Variants in TRAF6 observed in about 807,000 individuals in gnomAD.
TRAF6 encodes the protein TNF receptor associated factor 6.
TRAF6 carries 10 observed loss-of-function variants against 48.4 expected under a neutral mutation model. The ratio of observed to expected loss-of-function variants is 0.21; its 90% CI spans 0.13 to 0.35. TRAF6 has a LOEUF of 0.35. TRAF6 is among the 10% of genes least tolerant of loss of function. The pLI is 1.00. For synonymous variants in TRAF6, 186 were observed against 219.6 expected (o/e 0.85, Z 1.35); for missense variants, 397 against 661.0 (o/e 0.60, Z 4.38).
chr11:36,490,240 C>T lies in TRAF6; in HGVS notation c.1167G>A (p.Leu389=), dbSNP rs1859544879. ...GFYTGKPGYK[L]CMRLHLQLPT... Reference sequence around the variant, plus strand: ...GTAACTGAAGGTGCAAGCGCATGCACAGTTTGTACCCGGGTTTGCCAGTGT... The same window carrying T: ...GTAACTGAAGGTGCAAGCGCATGCATAGTTTGTACCCGGGTTTGCCAGTGT... The change falls in exon 7 of 7, where the codon CTG becomes CTA. Residue 389 remains leucine (L), a synonymous_variant. Coordinates refer to ENST00000526995, the MANE Select transcript of TRAF6 (RefSeq NM_004620.4). This position sits in a 1 kb window ranked among gnomAD's most constrained non-coding sequence, Gnocchi z 6.4. The T allele has an allele frequency of 1.9e-6, 3 of 1,614,088 alleles. No individual in the cohort carries two copies. The highest frequency in any genetic ancestry group is 3.3e-4 in the Middle Eastern group (2 of 6,084).
intron 1 of TRAF6, among the ~76,000 whole-genome samples, chr11:36,508,741 TG>T (rs1859845721): frequency 6.6e-6 from 1 of 152,228 alleles, no homozygotes; most frequent in Non-Finnish European, 1.5e-5. Flanking sequence ...TGTACTCCAA[TG>T]GCCAAGAGAT....
chr11:36,501,473 A>G lies in TRAF6; in HGVS notation c.43T>C (p.Ser15Pro). The G allele has an allele frequency of 6.2e-7, 1 of 1,613,362 alleles. No homozygotes were observed. Among genetic ancestry groups the G allele is most frequent in the Non-Finnish European group, 8.5e-7 (1 of 1,179,480 alleles). ...ATGGCCACACAGCAGTCACTTTCAG[A>G]CTGGCTGGATCCACAGCTGTTTTCA... Reference protein sequence around the residue: ...NCENSCGSSQSESDCCVAMAS... With the variant: ...NCENSCGSSQPESDCCVAMAS... The change falls in exon 2 of 7, where the codon TCT becomes CCT. Residue 15 changes from serine to proline, a missense_variant. Transcript: ENST00000526995.
In TRAF6 at chr11:36,497,225, G is replaced by A; in HGVS notation, c.489C>T (p.Pro163=). The A allele has an allele frequency of 1.2e-6, 2 of 1,613,626 alleles. No homozygotes were observed. The highest frequency in any genetic ancestry group is 1.1e-5 in the South Asian group (1 of 91,026). ...AHCEFALMDC[P]QCQRPFQKFH... ...ATTTTTGGAAGGGACGCTGGCATTG[G>A]GGACAATCCATAAGAGCAAACTCAC... Residue 163 remains proline (P), a synonymous_variant, in exon 4 of 7, where the codon CCC becomes CCT. Coordinates refer to ENST00000526995, the MANE Select transcript of TRAF6 (RefSeq NM_004620.4).
intron 2 of TRAF6, among the ~76,000 whole-genome samples, chr11:36,499,199 C>A (rs183777470): frequency 2.3e-3 from 343 of 152,158 alleles, no homozygotes; most frequent in Non-Finnish European, 3.6e-3. Flanking sequence ...GTCTAGGGTC[C>A]AATGTTACAG....
rs1859552972 is a variant in TRAF6 at position 36,490,781 on chromosome 11, C to A, written c.757-131G>T. ...CTCAATTCTCTACAATTTTCCTTTG[C>A]CTTCAACAGATTCTTGATCCAATGA... On this transcript the variant is annotated intron_variant, in intron 6 of 6. Coordinates refer to ENST00000526995, the MANE Select transcript of TRAF6 (RefSeq NM_004620.4). The surrounding 1 kb of genome is among the most constrained non-coding windows in gnomAD (Gnocchi z 6.4). The A allele has an allele frequency of 1.0e-5, 8 of 784,618 alleles. No individual in the cohort carries two copies. Among genetic ancestry groups the A allele is most frequent in the Non-Finnish European group, 1.6e-5 (8 of 508,400 alleles). The allele number at this position is 784,618 out of a possible 1,614,324, so 48.6% of individuals were successfully genotyped here. A position where few individuals can be genotyped will look rare whatever the true frequency, so the allele number is the denominator to read the frequency against.
In TRAF6 at chr11:36,494,991, T is replaced by C. The variant is rs1859610548; in HGVS notation, c.663A>G (p.Ile221Met). Residue 221 changes from isoleucine to methionine, a missense_variant, in exon 5 of 7, where the codon ATA becomes ATG. By Grantham distance (10) the Ile-to-Met change is conservative. Transcript: ENST00000526995. ...ANVICEYCNTILIREQMPNHY... is the reference protein window; with the variant it reads ...ANVICEYCNTMLIREQMPNHY... ...TGAATAATACCTGTTCTCTGATGAGTATAGTATTGCAGTATTCACAGATGA... is the reference window on the plus strand; with the variant it reads ...TGAATAATACCTGTTCTCTGATGAGCATAGTATTGCAGTATTCACAGATGA... 1 of 1,601,494 alleles carries C rather than the reference T, an allele frequency of 6.2e-7. No homozygotes were observed. Among genetic ancestry groups the C allele is most frequent in the Non-Finnish European group, 8.5e-7 (1 of 1,169,658 alleles).
Position 36,501,304 on chromosome 11 carries a change from G to C in TRAF6, c.212C>G (p.Pro71Arg). ...DPPLESKYEC[P>R]ICLMALREAV... ...TTCTCGTAATGCCATCAAGCAGATG[G>C]GGCATTCATACTTGCTTTCCAGGGG... Residue 71 changes from proline (P) to arginine (R), a missense_variant, in exon 2 of 7, where the codon CCC becomes CGC. This residue lies in a region of TRAF6 where 73 missense variants were observed against 87.3 expected (regional missense o/e 0.84). Coordinates refer to ENST00000526995, the MANE Select transcript of TRAF6 (RefSeq NM_004620.4). The C allele has an allele frequency of 1.9e-6, 3 of 1,613,928 alleles. No homozygotes were observed. The highest frequency in any genetic ancestry group is 2.5e-6 in the Non-Finnish European group (3 of 1,180,022).
intron 1 of TRAF6, among the ~76,000 whole-genome samples, chr11:36,509,142 C>T (rs1486381923): frequency 1.3e-5 from 2 of 152,208 alleles, no homozygotes; most frequent in Non-Finnish European, 2.9e-5. Flanking sequence ...AAGGCCAACA[C>T]AGAATTTCTT....
At chr11:36,503,640 G>T (rs1859747770) in intron 1 of TRAF6, among the ~76,000 whole-genome samples, 1 of 152,120 alleles carries the variant, frequency 6.6e-6, no homozygotes, top group South Asian at 2.1e-4. Flanking sequence ...CCATGGCCTT[G>T]CTATATCTGA....
At chr11:36,508,007 C>G (rs1441601030) in intron 1 of TRAF6, among the ~76,000 whole-genome samples, 5 of 151,546 alleles carry the variant, frequency 3.3e-5, no homozygotes, top group African/African-American at 1.2e-4. Flanking sequence ...AGGTGTGTGC[C>G]ACCAAGCCTG....
chr11:36,498,405 A>G (rs1186052938), intron 3 of TRAF6, 85 bp downstream of exon 3: 6 of 1,282,914 alleles, frequency 4.7e-6, no homozygotes, highest in Non-Finnish European at 5.4e-6. Context: ...GGTACTGGCA[A>G]TACACAGATG....
intron 4 of TRAF6, 149 bp downstream of exon 4, chr11:36,496,957 TTC>T: frequency 2.3e-6 from 2 of 868,764 alleles, no homozygotes; most frequent in Non-Finnish European, 3.4e-6. Flanking sequence ...TTATTGAACC[TTC>T]TTTTTCTTAA....
chr11:36,496,071 A>G (rs1010790895), intron 4 of TRAF6, among the ~76,000 whole-genome samples: 1 of 152,232 alleles, frequency 6.6e-6, no homozygotes, highest in African/African-American at 2.4e-5. Context: ...CTATAGTTTA[A>G]GGAAGTATCT....
rs5030477 is a variant in TRAF6 at position 36,489,740 on chromosome 11, A to T, written c.*98T>A. The T allele has an allele frequency of 1.6e-6, 2 of 1,258,028 alleles. No homozygotes were observed. The highest frequency in any genetic ancestry group is 2.9e-5 in the South Asian group (2 of 69,484). The allele number at this position is 1,258,028 out of a possible 1,614,324, so 77.9% of individuals were successfully genotyped here. ...AACAACACTCACTAGTAGATATTAC[A>T]TATTTCCCGTGGCTTGTTTGTTTGC... On this transcript the variant is annotated 3_prime_UTR_variant, in exon 7 of 7. Coordinates refer to ENST00000526995, the MANE Select transcript of TRAF6 (RefSeq NM_004620.4).
rs1424135245 is a variant in TRAF6 at position 36,485,382 on chromosome 11, C to T, written c.*4456G>A. 6.6e-6 allele frequency among the ~76,000 whole-genome samples: 1 copy of T among 152,154 alleles called. No homozygotes were observed. Among genetic ancestry groups the T allele is most frequent in the African/African-American group, 2.4e-5 (1 of 41,398 alleles). ...AGGGGATTCAGCAGCAACCAGAACA[C>T]ATCCCCATTCCACACAGTTTACCTT... On this transcript the variant is annotated 3_prime_UTR_variant, in exon 7 of 7. Transcript: ENST00000526995.
chr11:36,508,952 G>A (rs971198056), intron 1 of TRAF6, among the ~76,000 whole-genome samples: 1 of 152,174 alleles, frequency 6.6e-6, no homozygotes, highest in African/African-American at 2.4e-5. Flanking sequence ...AAATATTGTG[G>A]TGCATGCAGG....
At chr11:36,507,848 AC>A (rs1859827529) in intron 1 of TRAF6, among the ~76,000 whole-genome samples, 1 of 147,450 alleles carries the variant, frequency 6.8e-6, no homozygotes, top group African/African-American at 2.5e-5. Context: ...GTATATATAT[AC>A]ATATATATAC....
rs796795129 is a variant in TRAF6, at chr11:36,501,597, CATAT to C, written c.-22-64_-22-61del. The C allele has an allele frequency of 8.7e-5, 106 of 1,214,838 alleles. 1 individual carries two copies. The African/African-American group carries it at 1.5e-3, about 17-fold the overall frequency. The allele number at this position is 1,214,838 out of a possible 1,614,324, so 75.3% of individuals were successfully genotyped here. On this transcript the variant is annotated intron_variant, in intron 1 of 6. Transcript: ENST00000526995. The stretch of plus-strand genomic sequence containing the variant: ...GTAACACACACACTCACACCCCACA[CATAT>C]ATATCATAGCTTATCTATACAAGTC...
chr11:36,494,222 A>C (rs1859599178), intron 5 of TRAF6, among the ~76,000 whole-genome samples: 1 of 151,994 alleles, frequency 6.6e-6, no homozygotes, highest in Non-Finnish European at 1.5e-5. Flanking sequence ...AAAAAATAAA[A>C]AATTAGCCGG....
Sources: gnomAD v4.1 joint callset for allele counts (sites outside exome capture counted in the v4.1 genomes callset) on GRCh38, gnomAD v4.1.1 for gene constraint, gnomAD v4.1.1 regional missense constraint, Gnocchi (gnomAD v3.1) non-coding constraint, MANE v1.5 for transcripts, NCBI Gene and HGNC (gene_info 2026-07-23, HGNC 2026-07-21) for gene names.